TCF20: variants seen among roughly 807,000 people sequenced by gnomAD.
TCF20 encodes the protein SPRE-binding protein.
Under a neutral mutation model 148.6 loss-of-function variants are expected in TCF20, and 3 were observed. The ratio of observed to expected loss-of-function variants is 0.02; its 90% CI spans 0.01 to 0.05. TCF20 has a LOEUF of 0.05. Ranked by LOEUF, TCF20 falls within the 10% of genes least tolerant of loss-of-function variation. The probability of loss-of-function intolerance (pLI) is 1.00; values close to 1 mark genes in which losing one functional copy is unlikely to be tolerated. For missense variants in TCF20, 2,350 were observed against 2,429.3 expected, an observed-to-expected ratio of 0.97 and a Z score of 0.69; for synonymous variants, 1,049 against 909.5, an observed-to-expected ratio of 1.15 and a Z score of -2.76.
rs1922537811 is a variant in TCF20, at chr22:42,223,173, T to C, written c.-36-7832A>G. 2.0e-5 allele frequency among the ~76,000 whole-genome samples: 3 copies of C among 152,178 alleles called. No individual in the cohort carries two copies. The South Asian group carries it at 6.2e-4, about 32-fold the overall frequency. Reference sequence around the variant, plus strand: ...CCAGTAAATAAATAAATAATTGCCATTTATTTAGCAATCTATATATGTTAG... The same window carrying C: ...CCAGTAAATAAATAAATAATTGCCACTTATTTAGCAATCTATATATGTTAG... On this transcript the variant is annotated intron_variant, in intron 1 of 5. Transcript: ENST00000677622.
intron 3 of TCF20, among the ~76,000 whole-genome samples, chr22:42,177,358 TG>T (rs1208779280): frequency 6.6e-6 from 1 of 152,212 alleles, no homozygotes; most frequent in Non-Finnish European, 1.5e-5. Flanking sequence ...GAGGTTGCAG[TG>T]GGCTGAGATC....
intron 1 of TCF20, among the ~76,000 whole-genome samples, chr22:42,250,959 C>T (rs952317781): frequency 2.6e-5 from 4 of 152,098 alleles, no homozygotes; most frequent in South Asian, 2.1e-4. Flanking sequence ...CCAGATCTCG[C>T]GAGAAGTCGC....
At position 42,236,213 on chromosome 22, in the gene TCF20, A is replaced by C. The variant is rs181164689; in HGVS notation, c.-36-20872T>G. ...AAAAACAAAAACAAAAAAACAAGTAAAAGACAACAAGGAAAAAAATGGAAA... is the reference window on the plus strand; with the variant it reads ...AAAAACAAAAACAAAAAAACAAGTACAAGACAACAAGGAAAAAAATGGAAA... On this transcript the variant is annotated intron_variant, in intron 1 of 5. Coordinates refer to ENST00000677622, the MANE Select transcript of TCF20 (RefSeq NM_001378418.1). Among the ~76,000 whole-genome samples, 4 of 152,290 alleles carry C rather than the reference A, an allele frequency of 2.6e-5. No homozygotes were observed. In the East Asian group the frequency reaches 7.7e-4, roughly 29 times the overall value.
At chr22:42,275,925 G>A (rs1264232678) in intron 1 of TCF20, among the ~76,000 whole-genome samples, 1 of 152,156 alleles carries the variant, frequency 6.6e-6, no homozygotes, top group Non-Finnish European at 1.5e-5. Context: ...TACTGTTCTC[G>A]CCTCATTTTG....
intron 1 of TCF20, among the ~76,000 whole-genome samples, chr22:42,295,703 G>A (rs1366085006): frequency 6.6e-6 from 1 of 152,166 alleles, no homozygotes; most frequent in Non-Finnish European, 1.5e-5. Context: ...GCCTCCCAAA[G>A]TGTTGGGATT....
At chr22:42,302,116 G>A (rs1927347536) in intron 1 of TCF20, among the ~76,000 whole-genome samples, 1 of 152,222 alleles carries the variant, frequency 6.6e-6, no homozygotes, top group Non-Finnish European at 1.5e-5. Context: ...AGGCAAAGGG[G>A]CCAGTCTGGG....
chr22:42,238,399 T>C (rs898799785), intron 1 of TCF20, among the ~76,000 whole-genome samples: 1 of 152,262 alleles, frequency 6.6e-6, no homozygotes, highest in Non-Finnish European at 1.5e-5. Context: ...AACTTTTCCA[T>C]ATCAGCAATA....
chr22:42,242,227 A>ACAAAAAAAAAAAAAAAAAAT (rs1924500371), intron 1 of TCF20, among the ~76,000 whole-genome samples: 2 of 122,704 alleles, frequency 1.6e-5, no homozygotes, highest in Non-Finnish European at 3.5e-5. Flanking sequence ...AAAAAAAAAA[A>ACAAAAAAAAAAAAAAAAAAT]CAGAAAAGAA....
At chr22:42,291,071 A>G (rs1927124044) in intron 1 of TCF20, among the ~76,000 whole-genome samples, 1 of 152,188 alleles carries the variant, frequency 6.6e-6, no homozygotes, top group Admixed American at 6.5e-5. Context: ...TCCTCTGGAC[A>G]GTGGAGCCTC....
At chr22:42,304,699 G>C (rs1283868700) in intron 1 of TCF20, among the ~76,000 whole-genome samples, 1 of 152,154 alleles carries the variant, frequency 6.6e-6, no homozygotes, top group African/African-American at 2.4e-5. Context: ...CCGAGGCAGA[G>C]AGGAGTGAAG....
At chr22:42,177,800 G>T (rs1309711661) in intron 3 of TCF20, among the ~76,000 whole-genome samples, 1 of 152,146 alleles carries the variant, frequency 6.6e-6, no homozygotes, top group Non-Finnish European at 1.5e-5. Context: ...AATTAGGGGT[G>T]CTAGGAGCAT....
At chr22:42,247,577 G>A (rs978833886) in intron 1 of TCF20, among the ~76,000 whole-genome samples, 11 of 152,132 alleles carry the variant, frequency 7.2e-5, no homozygotes, top group Admixed American at 2.0e-4. Flanking sequence ...GGTTAGAGAG[G>A]CAGGGCAGGG....
At chr22:42,339,340 G>A (rs1928123544) in intron 1 of TCF20, among the ~76,000 whole-genome samples, 1 of 152,342 alleles carries the variant, frequency 6.6e-6, no homozygotes, top group Non-Finnish European at 1.5e-5. Flanking sequence ...TCTAGAGCCA[G>A]GACTCAGGGC....
chr22:42,271,467 A>G (rs1107553), upstream of TCF20, among the ~76,000 whole-genome samples: 27,418 of 152,228 alleles, frequency 0.18, 2,702 homozygotes, highest in East Asian at 0.34. Flanking sequence ...GATGTTTCTA[A>G]AGCAAAGGAA....
At chr22:42,254,302 T>TCC (rs1040066704) in intron 1 of TCF20, among the ~76,000 whole-genome samples, 8 of 138,748 alleles carry the variant, frequency 5.8e-5, no homozygotes, top group African/African-American at 2.0e-4. Flanking sequence ...ACTTCCCAGC[T>TCC]CCACTCCACT....
intron 1 of TCF20, among the ~76,000 whole-genome samples, chr22:42,295,576 T>A (rs1927220302): frequency 6.6e-6 from 1 of 152,048 alleles, no homozygotes; most frequent in Non-Finnish European, 1.5e-5. Flanking sequence ...CCTGAGGAGC[T>A]GGGATTACAG....
intron 1 of TCF20, 113 bp from the exon 2 acceptor site, chr22:42,215,454 G>A (rs865902530): frequency 3.0e-6 from 4 of 1,345,260 alleles, no homozygotes; most frequent in Non-Finnish European, 2.9e-6. Flanking sequence ...GAAGCTGACT[G>A]GTTTGAATTT....
At chr22:42,298,514 T>C (rs1303684663) in intron 1 of TCF20, among the ~76,000 whole-genome samples, 1 of 152,192 alleles carries the variant, frequency 6.6e-6, no homozygotes, top group Admixed American at 6.5e-5. Context: ...CTGAAGACCA[T>C]CCTGCCCAGA....
chr22:42,209,398 G>C (rs1601589514), intron 2 of TCF20, among the ~76,000 whole-genome samples: 1 of 152,280 alleles, frequency 6.6e-6, no homozygotes, highest in South Asian at 2.1e-4. Flanking sequence ...GTGTGCGTTA[G>C]AAAAGATGTG....
Sources: gnomAD v4.1 joint callset for allele counts (sites outside exome capture counted in the v4.1 genomes callset) on GRCh38, gnomAD v4.1.1 for gene constraint, MANE v1.5 for transcripts, NCBI Gene and HGNC (gene_info 2026-07-23, HGNC 2026-07-21) for gene names.